CALN1: variants seen among roughly 807,000 people sequenced by gnomAD.
CALN1 encodes the protein calcium-binding protein 8.
In CALN1, 17 loss-of-function variants were observed where a neutral mutation model predicts 30.6. That is an observed-to-expected ratio of 0.56 (90% CI 0.38 to 0.83). CALN1 has a LOEUF of 0.83. Among genes scored for constraint, CALN1 ranks in the 40% least tolerant of loss-of-function variants. The pLI, the probability that CALN1 is intolerant of heterozygous loss-of-function variation, is 0.00. For missense variants in CALN1, 291 were observed against 354.9 expected (o/e 0.82, Z 1.45); for synonymous variants, 156 against 131.4 (o/e 1.19, Z -1.28).
Position 72,141,160 on chromosome 7 carries a change from C to T in CALN1, c.245-34866G>A, listed in dbSNP as rs188029967. Among the ~76,000 whole-genome samples the T allele has an allele frequency of 4.2e-4, 64 of 152,236 alleles. 1 individual carries two copies. In the East Asian group the frequency reaches 9.1e-3, roughly 22 times the overall value. Reference sequence around the variant, plus strand: ...ATAGAAAAATTAATCTCACTGGATGCGGTAGCTCATACCTGTAATTCCAGA... The same window carrying T: ...ATAGAAAAATTAATCTCACTGGATGTGGTAGCTCATACCTGTAATTCCAGA... On this transcript the variant is annotated intron_variant, in intron 3 of 6. Coordinates refer to ENST00000395275, the MANE Select transcript of CALN1 (RefSeq NM_031468.4).
intron 3 of CALN1, among the ~76,000 whole-genome samples, chr7:72,268,044 T>C (rs1347115818): frequency 1.3e-5 from 2 of 152,118 alleles, no homozygotes; most frequent in African/African-American, 2.4e-5. Context: ...ATTAATAGTA[T>C]ATGCATAATA....
At chr7:71,921,558 T>A (rs1794946370) in intron 5 of CALN1, among the ~76,000 whole-genome samples, 1 of 152,176 alleles carries the variant, frequency 6.6e-6, no homozygotes. Flanking sequence ...AATACATATA[T>A]TATCAGGATG....
chr7:71,863,098 A>C (rs867525818), intron 5 of CALN1, among the ~76,000 whole-genome samples: 3 of 151,962 alleles, frequency 2.0e-5, no homozygotes, highest in African/African-American at 2.4e-5. Flanking sequence ...CTATATCTAC[A>C]AAAATTAAAA....
intron 3 of CALN1, among the ~76,000 whole-genome samples, chr7:72,274,842 G>C (rs1585329678): frequency 6.6e-6 from 1 of 152,060 alleles, no homozygotes; most frequent in East Asian, 1.9e-4. Context: ...AGTTTGGCTG[G>C]GTGATTCCCA....
At chr7:72,345,226 A>T (rs1359980892) in intron 2 of CALN1, among the ~76,000 whole-genome samples, 1 of 150,604 alleles carries the variant, frequency 6.6e-6, no homozygotes. Context: ...TGGAAAGTGG[A>T]GGCGTCATTG....
intron 3 of CALN1, among the ~76,000 whole-genome samples, chr7:72,205,935 C>T (rs540534582): frequency 7.3e-4 from 111 of 152,196 alleles, no homozygotes; most frequent in African/African-American, 2.4e-3. Context: ...ATCCTTTTCT[C>T]GCTGATTTTG....
chr7:72,153,275 G>A (rs1787396645), intron 3 of CALN1, among the ~76,000 whole-genome samples: 1 of 152,166 alleles, frequency 6.6e-6, no homozygotes, highest in Non-Finnish European at 1.5e-5. Flanking sequence ...TATGCCCACT[G>A]TTCCAGTAGG....
intron 5 of CALN1, among the ~76,000 whole-genome samples, chr7:71,851,829 T>C (rs182405313): frequency 2.0e-5 from 3 of 152,226 alleles, no homozygotes; most frequent in South Asian, 2.1e-4. Flanking sequence ...AACAAATGTG[T>C]CTGTGAACTG....
the CALN1 span, among the ~76,000 whole-genome samples, chr7:72,486,299 C>T: frequency 1.3e-5 from 2 of 152,182 alleles, no homozygotes; most frequent in Non-Finnish European, 2.9e-5. Flanking sequence ...ACTTAATGAA[C>T]TTCTCAATAA....
intron 3 of CALN1, among the ~76,000 whole-genome samples, chr7:72,196,793 G>A (rs770474012): frequency 1.3e-5 from 2 of 152,048 alleles, no homozygotes; most frequent in Non-Finnish European, 2.9e-5. Context: ...ATCCTCATGA[G>A]TTAGATATTT....
chr7:72,443,704 A>C (rs796269019), intron 1 of CALN1, among the ~76,000 whole-genome samples: 13 of 151,816 alleles, frequency 8.6e-5, no homozygotes, highest in African/African-American at 2.9e-4. Flanking sequence ...CCCATGACAC[A>C]CACTATTTAG....
At chr7:72,419,201 A>G (rs1376136955) in intron 1 of CALN1, among the ~76,000 whole-genome samples, 5 of 152,034 alleles carry the variant, frequency 3.3e-5, no homozygotes. Flanking sequence ...TTCTCACCCT[A>G]CTGCTCCAAA....
intron 1 of CALN1, among the ~76,000 whole-genome samples, chr7:72,445,371 G>A (rs370627132): frequency 6.7e-4 from 102 of 152,134 alleles, no homozygotes; most frequent in African/African-American, 1.8e-3. Context: ...GCCTCAGTCC[G>A]CTTCTACCCT....
intron 4 of CALN1, among the ~76,000 whole-genome samples, chr7:72,027,038 C>T (rs1420961302): frequency 2.0e-5 from 3 of 152,188 alleles, no homozygotes; most frequent in Non-Finnish European, 4.4e-5. Flanking sequence ...GTGACAGTAT[C>T]ACCCACAATG....
At chr7:72,428,936 TA>T (rs1260926944) in intron 1 of CALN1, among the ~76,000 whole-genome samples, 1 of 152,148 alleles carries the variant, frequency 6.6e-6, no homozygotes, top group Non-Finnish European at 1.5e-5. Flanking sequence ...GTTGACCCCC[TA>T]ACTACACATA....
chr7:72,184,696 A>C (rs1790057104), intron 3 of CALN1, among the ~76,000 whole-genome samples: 1 of 152,174 alleles, frequency 6.6e-6, no homozygotes, highest in Non-Finnish European at 1.5e-5. Context: ...AAAACACTCG[A>C]ATTTATTTCA....
At chr7:72,389,381 A>C (rs1168952174) in intron 2 of CALN1, among the ~76,000 whole-genome samples, 2 of 152,182 alleles carry the variant, frequency 1.3e-5, no homozygotes, top group Non-Finnish European at 2.9e-5. Context: ...TAAGCCTTAA[A>C]AGTGTCCGAG....
rs1172289809 is a variant in CALN1 at position 72,336,460 on chromosome 7, G to A, written c.120-57650C>T. 2.0e-5 allele frequency among the ~76,000 whole-genome samples: 3 copies of A among 151,964 alleles called. No homozygotes were observed. The East Asian group carries it at 5.9e-4, about 30-fold the overall frequency. ...TCCCTAGCCCCACGTCCCCAGGCAGGCGGCCAGGAGCCAGCTCCACGGAAG... is the reference window on the plus strand; with the variant it reads ...TCCCTAGCCCCACGTCCCCAGGCAGACGGCCAGGAGCCAGCTCCACGGAAG... On this transcript the variant is annotated intron_variant, in intron 2 of 6. Transcript: ENST00000395275.
chr7:71,993,411 A>G (rs1224031241), intron 5 of CALN1, among the ~76,000 whole-genome samples: 1 of 150,044 alleles, frequency 6.7e-6, no homozygotes, highest in Non-Finnish European at 1.5e-5. Context: ...GGCTGCAGTG[A>G]GCTATGATTG....
Sources: allele counts gnomAD v4.1 joint callset (sites outside exome capture counted in the v4.1 genomes callset), GRCh38; gene constraint gnomAD v4.1.1; transcripts MANE v1.5; gene names NCBI Gene and HGNC (gene_info 2026-07-23, HGNC 2026-07-21).